The following FGF12 variants were observed in gnomAD, a reference collection of about 807,000 sequenced individuals.
The protein encoded by FGF12 is fibroblast growth factor 12B.
A neutral mutation model predicts 23.6 loss-of-function variants in FGF12; 14 were observed. That is an observed-to-expected ratio of 0.59 (90% CI 0.39 to 0.93). The LOEUF (loss-of-function observed/expected upper bound fraction) is 0.93. Ranked by LOEUF, FGF12 falls within the 40% of genes least tolerant of loss-of-function variation. The pLI, the probability that FGF12 is intolerant of heterozygous loss-of-function variation, is 0.00. For missense variants in FGF12, 175 were observed against 217.8 expected, an observed-to-expected ratio of 0.80 and a Z score of 1.24; for synonymous variants, 62 against 77.3, an observed-to-expected ratio of 0.80 and a Z score of 1.04.
At chr3:192,439,745 G>C (rs1469169140) in intron 2 of FGF12, among the ~76,000 whole-genome samples, 1 of 152,136 alleles carries the variant, frequency 6.6e-6, no homozygotes, top group African/African-American at 2.4e-5. Context: ...GGGAGGCCAA[G>C]GTGGGTGAAT....
intron 2 of FGF12, among the ~76,000 whole-genome samples, chr3:192,587,878 T>C (rs1194981383): frequency 2.0e-5 from 3 of 151,862 alleles, no homozygotes; most frequent in African/African-American, 7.2e-5. Context: ...GAATTTCTAA[T>C]TCTAAAACTT....
In FGF12 at chr3:192,180,909, T is replaced by C. The variant is rs556328430; in HGVS notation, c.229-10253A>G. Among the ~76,000 whole-genome samples the C allele has an allele frequency of 1.8e-4, 27 of 152,280 alleles. No individual in the cohort carries two copies. The South Asian group carries it at 5.6e-3, about 32-fold the overall frequency. Reference sequence around the variant, plus strand: ...GCTCTGTGTTGGTTTTCTTGCTTTCTTCAAGGGACAGCACTGTGGTTTTGT... The same window carrying C: ...GCTCTGTGTTGGTTTTCTTGCTTTCCTCAAGGGACAGCACTGTGGTTTTGT... On this transcript the variant is annotated intron_variant, in intron 4 of 5. Coordinates refer to ENST00000445105, the MANE Select transcript of FGF12 (RefSeq NM_004113.6).
At chr3:192,512,681 CCT>C (rs1724516640) in intron 2 of FGF12, among the ~76,000 whole-genome samples, 2 of 151,148 alleles carry the variant, frequency 1.3e-5, no homozygotes, top group African/African-American at 2.4e-5. Flanking sequence ...CCGTATATTA[CCT>C]CTGTCTGTGG....
At position 192,409,728 on chromosome 3, in the gene FGF12, C is replaced by T. The variant is rs1260103906; in HGVS notation, c.14-49190G>A. Among the ~76,000 whole-genome samples, 1 of 152,094 alleles carries T rather than the reference C, an allele frequency of 6.6e-6. No homozygotes were observed. The highest frequency in any genetic ancestry group is 2.1e-4 in the South Asian group (1 of 4,832). ...CATGGTCTGGCGCCAGGGGCGCAGG[C>T]GGGGCCCCTAGGCCTCCTGGGGCTA... On this transcript the variant is annotated intron_variant, in intron 2 of 5. Coordinates refer to ENST00000445105, the MANE Select transcript of FGF12 (RefSeq NM_004113.6). This position sits in a 1 kb window ranked among gnomAD's most constrained non-coding sequence, Gnocchi z 4.8.
At chr3:192,307,768 C>T (rs936433553) in intron 4 of FGF12, among the ~76,000 whole-genome samples, 4 of 152,152 alleles carry the variant, frequency 2.6e-5, no homozygotes, top group Non-Finnish European at 5.9e-5. Context: ...AATCATGCCT[C>T]TTTGGGGAAT....
intron 4 of FGF12, among the ~76,000 whole-genome samples, chr3:192,296,582 C>T (rs979838463): frequency 2.0e-5 from 3 of 152,126 alleles, no homozygotes; most frequent in Non-Finnish European, 4.4e-5. Context: ...GAAAATACAA[C>T]ATCCTAAAAC....
At chr3:192,712,939 A>G (rs1490278769) in intron 2 of FGF12, among the ~76,000 whole-genome samples, 1 of 152,166 alleles carries the variant, frequency 6.6e-6, no homozygotes, top group Non-Finnish European at 1.5e-5. Context: ...ATATTACTTC[A>G]CGATGAAATT....
intron 2 of FGF12, among the ~76,000 whole-genome samples, chr3:192,525,973 C>A (rs1724936664): frequency 6.6e-6 from 1 of 152,162 alleles, no homozygotes; most frequent in Non-Finnish European, 1.5e-5. Context: ...TGGGTTTCAC[C>A]ATGTTGGCCA....
intron 4 of FGF12, among the ~76,000 whole-genome samples, chr3:192,325,860 A>T (rs1232541222): frequency 6.6e-6 from 1 of 152,184 alleles, no homozygotes; most frequent in East Asian, 1.9e-4. Context: ...ATCAGCCTCA[A>T]TAGGGAAGCA....
intron 4 of FGF12, among the ~76,000 whole-genome samples, chr3:192,253,759 A>G (rs1292939135): frequency 6.6e-6 from 1 of 152,116 alleles, no homozygotes; most frequent in African/African-American, 2.4e-5. Flanking sequence ...TTTTCCCCAC[A>G]GAATGATTTA....
intron 2 of FGF12, among the ~76,000 whole-genome samples, chr3:192,398,010 T>C (rs141348232): frequency 0.012 from 1,752 of 152,258 alleles, 15 homozygotes; most frequent in Non-Finnish European, 0.018. Flanking sequence ...ATACAACTTA[T>C]CCGGGTTTAT....
At chr3:192,183,462 T>A (rs1716291113) in intron 4 of FGF12, among the ~76,000 whole-genome samples, 1 of 152,240 alleles carries the variant, frequency 6.6e-6, no homozygotes, top group Non-Finnish European at 1.5e-5. Context: ...TGCTTCTTGC[T>A]GTGATGGTGT....
intron 2 of FGF12, among the ~76,000 whole-genome samples, chr3:192,650,638 T>C (rs1265482537): frequency 6.6e-6 from 1 of 152,186 alleles, no homozygotes; most frequent in Non-Finnish European, 1.5e-5. Flanking sequence ...TGTGTACCTT[T>C]CAAATTCATA....
intron 4 of FGF12, among the ~76,000 whole-genome samples, chr3:192,289,591 CAGAAG>C (rs1029739810): frequency 1.3e-5 from 2 of 152,160 alleles, no homozygotes; most frequent in African/African-American, 4.8e-5. Flanking sequence ...CTCCAGCCTA[CAGAAG>C]AGAAGAGCAA....
At chr3:192,453,605 A>C (rs1342813393) in intron 2 of FGF12, among the ~76,000 whole-genome samples, 1 of 152,210 alleles carries the variant, frequency 6.6e-6, no homozygotes, top group Non-Finnish European at 1.5e-5. Context: ...TATTATTAGA[A>C]AATGATTAAC....
At chr3:192,223,704 T>C (rs566447054) in intron 4 of FGF12, among the ~76,000 whole-genome samples, 1 of 152,234 alleles carries the variant, frequency 6.6e-6, no homozygotes, top group East Asian at 1.9e-4. Flanking sequence ...GCAGAATGTA[T>C]TGAGAAATAT....
intron 4 of FGF12, among the ~76,000 whole-genome samples, chr3:192,266,455 G>C (rs967632099): frequency 2.0e-5 from 3 of 152,048 alleles, no homozygotes; most frequent in Non-Finnish European, 4.4e-5. Flanking sequence ...ATGTTATCTA[G>C]GAGGTTCAGT....
intron 2 of FGF12, among the ~76,000 whole-genome samples, chr3:192,463,652 C>T (rs958078854): frequency 6.6e-6 from 1 of 152,152 alleles, no homozygotes; most frequent in Non-Finnish European, 1.5e-5. Flanking sequence ...CAGCCCAGCA[C>T]AGTGGCTGGC....
chr3:192,249,732 G>A (rs1711874406), intron 4 of FGF12, among the ~76,000 whole-genome samples: 1 of 152,124 alleles, frequency 6.6e-6, no homozygotes, highest in Non-Finnish European at 1.5e-5. Context: ...CTCTTCCTCT[G>A]GTGGCACTTT....
Sources: allele counts gnomAD v4.1 joint callset (sites outside exome capture counted in the v4.1 genomes callset), GRCh38; gene constraint gnomAD v4.1.1; non-coding constraint Gnocchi (gnomAD v3.1); transcripts MANE v1.5; gene names NCBI Gene and HGNC (gene_info 2026-07-23, HGNC 2026-07-21).